Variants in LAMA4 observed in about 807,000 individuals in gnomAD.
LAMA4 encodes laminin subunit alpha 4.
Under a neutral mutation model 207.1 loss-of-function variants are expected in LAMA4, and 127 were observed. That is an observed-to-expected ratio of 0.61 (90% CI 0.53 to 0.71). The LOEUF (loss-of-function observed/expected upper bound fraction) is 0.71, where lower values mean the gene tolerates loss of function less well. Among genes scored for constraint, LAMA4 ranks in the 30% least tolerant of loss-of-function variants. The pLI is 0.00. For missense variants in LAMA4, 2,093 were observed against 2,246.5 expected, an observed-to-expected ratio of 0.93 and a Z score of 1.38; for synonymous variants, 761 against 816.0, an observed-to-expected ratio of 0.93 and a Z score of 1.15.
intron 6 of LAMA4, among the ~76,000 whole-genome samples, chr6:112,190,751 T>C (rs1318833989): frequency 2.6e-5 from 4 of 152,232 alleles, no homozygotes; most frequent in African/African-American, 7.2e-5. Context: ...ATGGTGGTGA[T>C]TAAATGGTAC....
At chr6:112,186,232 T>C (rs1215502986) in intron 8 of LAMA4, among the ~76,000 whole-genome samples, 1 of 152,184 alleles carries the variant, frequency 6.6e-6, no homozygotes, top group Admixed American at 6.5e-5. Flanking sequence ...GCTCATGAGA[T>C]AGAGGCAATA....
intron 12 of LAMA4, among the ~76,000 whole-genome samples, chr6:112,167,258 CGGGT>C (rs1781433752): frequency 6.6e-6 from 1 of 152,078 alleles, no homozygotes; most frequent in Non-Finnish European, 1.5e-5. Flanking sequence ...AAATTTGGGC[CGGGT>C]GTGGTGGCAC....
chr6:112,207,380 C>G (rs782122851), intron 3 of LAMA4, among the ~76,000 whole-genome samples: 1 of 152,042 alleles, frequency 6.6e-6, no homozygotes, highest in African/African-American at 2.4e-5. Context: ...GTGCTAGTAG[C>G]CTGGGGACTC....
intron 20 of LAMA4, 144 bp downstream of exon 20, chr6:112,141,975 A>T (rs1779723971): frequency 5.1e-6 from 4 of 778,224 alleles, no homozygotes; most frequent in Non-Finnish European, 8.7e-6. Flanking sequence ...TCATTCTTTT[A>T]ATTTTGCCAT....
chr6:112,189,650 C>G (rs1025901424), intron 6 of LAMA4, among the ~76,000 whole-genome samples: 9 of 152,262 alleles, frequency 5.9e-5, no homozygotes, highest in Admixed American at 2.0e-4. Flanking sequence ...GAGGGAGGAG[C>G]AGCTTAGCAA....
intron 2 of LAMA4, among the ~76,000 whole-genome samples, chr6:112,232,059 C>A (rs1785599692): frequency 6.6e-6 from 1 of 152,160 alleles, no homozygotes; most frequent in South Asian, 2.1e-4. Flanking sequence ...GTGTCAAACA[C>A]CTAAAAAGCC....
At chr6:112,154,247 C>T (rs1278322596) in intron 16 of LAMA4, among the ~76,000 whole-genome samples, 2 of 151,468 alleles carry the variant, frequency 1.3e-5, no homozygotes, top group Non-Finnish European at 2.9e-5. Context: ...CTCCCTCACC[C>T]TTGGATGTGC....
At position 112,150,494 on chromosome 6, in the gene LAMA4, TTCTC is replaced by T. The variant is rs781851716; in HGVS notation, c.2173+13_2173+16del. Reference sequence around the variant, plus strand: ...AGTGAATCAACAGATGAGACTTCAATTCTCTCTGATGCTTACCTCTCTCTGCTGC... The same window carrying T: ...AGTGAATCAACAGATGAGACTTCAATTCTGATGCTTACCTCTCTCTGCTGC... On this transcript the variant is annotated intron_variant, in intron 17 of 38. Transcript: ENST00000230538. 2.0e-6 allele frequency: 3 copies of T among 1,491,794 alleles called. No homozygotes were observed. The highest frequency in any genetic ancestry group is 2.3e-5 in the East Asian group (1 of 44,316). The allele number at this position is 1,491,794 out of a possible 1,614,324, so 92.4% of individuals were successfully genotyped here. A position where few individuals can be genotyped will look rare whatever the true frequency, so the allele number is the denominator to read the frequency against.
At chr6:112,176,256 C>T (rs1186572273) in intron 10 of LAMA4, among the ~76,000 whole-genome samples, 1 of 152,170 alleles carries the variant, frequency 6.6e-6, no homozygotes, top group Non-Finnish European at 1.5e-5. Context: ...GACTGAAATA[C>T]GTCTTTGAAT....
intron 38 of LAMA4, among the ~76,000 whole-genome samples, chr6:112,110,080 C>T (rs12204892): frequency 0.21 from 32,651 of 152,082 alleles, 3,889 homozygotes; most frequent in Middle Eastern, 0.27. Flanking sequence ...GTAATGAATT[C>T]GAATAAACTA....
chr6:112,191,870 A>C lies in LAMA4; in HGVS notation c.504-20T>G. 6.5e-7 allele frequency: 1 copy of C among 1,526,758 alleles called. No individual in the cohort carries two copies. 94.6% of individuals were successfully genotyped at this position (1,526,758 alleles called of 1,614,324 possible). A position where few individuals can be genotyped will look rare whatever the true frequency, so the allele number is the denominator to read the frequency against. ...GCACATCTGAAGAGGAATATCACACATTTAAATATTTAGCATCATGGTTTT... is the reference window on the plus strand; with the variant it reads ...GCACATCTGAAGAGGAATATCACACCTTTAAATATTTAGCATCATGGTTTT... On this transcript the variant is annotated intron_variant, in intron 5 of 38. Coordinates refer to ENST00000230538, the MANE Select transcript of LAMA4 (RefSeq NM_001105206.3).
chr6:112,226,974 G>A (rs1562755642), intron 2 of LAMA4, among the ~76,000 whole-genome samples: 2 of 152,092 alleles, frequency 1.3e-5, no homozygotes, highest in Admixed American at 6.5e-5. Flanking sequence ...AGGAATCTGA[G>A]AAATCAGGCC....
At chr6:112,159,574 C>T (rs1554337877) in intron 13 of LAMA4, 1 of 152,924 alleles carries the variant, frequency 6.5e-6, no homozygotes, top group Non-Finnish European at 1.5e-5. Context: ...GATTTGTTCT[C>T]CTAGTCACCC....
At chr6:112,242,688 C>T (rs888696213) in intron 2 of LAMA4, among the ~76,000 whole-genome samples, 10 of 152,302 alleles carry the variant, frequency 6.6e-5, no homozygotes, top group Non-Finnish European at 1.2e-4. Flanking sequence ...CGACAATCAG[C>T]GCATTTAGAC....
intron 19 of LAMA4, among the ~76,000 whole-genome samples, chr6:112,144,264 T>C (rs905615285): frequency 2.8e-4 from 42 of 152,362 alleles, no homozygotes; most frequent in African/African-American, 9.6e-4. Context: ...GTTGAGTTTA[T>C]TCCTCTTAGC....
intron 5 of LAMA4, among the ~76,000 whole-genome samples, chr6:112,196,890 G>A (rs966713639): frequency 1.3e-5 from 2 of 152,166 alleles, no homozygotes; most frequent in Middle Eastern, 3.2e-3. Flanking sequence ...GTGTGCTGAG[G>A]GAAGAATAGA....
intron 3 of LAMA4, chr6:112,213,973 A>G: frequency 1.4e-6 from 1 of 720,462 alleles, no homozygotes; most frequent in Non-Finnish European, 2.6e-6. Flanking sequence ...AGCTACAAGA[A>G]GTGTTCATGT....
chr6:112,201,618 T>C lies in LAMA4; in HGVS notation c.493A>G (p.Asn165Asp). 6.2e-7 allele frequency: 1 copy of C among 1,613,516 alleles called. No homozygotes were observed. The highest frequency in any genetic ancestry group is 8.5e-7 in the Non-Finnish European group (1 of 1,179,460). The change falls in exon 5 of 39, where the codon AAC (asparagine) becomes GAC (aspartate). Residue 165 changes from asparagine (N) to aspartate (D), a missense_variant. Physicochemically the swap from Asn to Asp is conservative, Grantham distance 23. Coordinates refer to ENST00000230538, the MANE Select transcript of LAMA4 (RefSeq NM_001105206.3). ...CICNENYAGPNCERCAPGYYG... is the reference protein window; with the variant it reads ...CICNENYAGPDCERCAPGYYG... ...ATTTTATTGGCTTACCTTTCACAGT[T>C]AGGTCCAGCATAATTTTCGTTACAA...
intron 24 of LAMA4, among the ~76,000 whole-genome samples, chr6:112,138,042 G>A (rs1310854613): frequency 6.6e-6 from 1 of 151,976 alleles, no homozygotes; most frequent in Admixed American, 6.6e-5. Context: ...TGCTTTTGTT[G>A]ATGGGAACAA....
Sources: allele counts gnomAD v4.1 joint callset (sites outside exome capture counted in the v4.1 genomes callset), GRCh38; gene constraint gnomAD v4.1.1; transcripts MANE v1.5; gene names NCBI Gene and HGNC (gene_info 2026-07-23, HGNC 2026-07-21).